DAB2IP: variants seen among roughly 807,000 people sequenced by gnomAD.
DAB2IP encodes DAB2 interacting protein, also known as disabled homolog 2-interacting protein.
A neutral mutation model predicts 107.2 loss-of-function variants in DAB2IP; 28 were observed. The observed-to-expected ratio is 0.26, with a 90% CI of 0.19 to 0.36. DAB2IP has a LOEUF of 0.36. Ranked by LOEUF, DAB2IP falls within the 10% of genes least tolerant of loss-of-function variation. The pLI, the probability that DAB2IP is intolerant of heterozygous loss-of-function variation, is 1.00. For missense variants in DAB2IP, 1,400 were observed against 1,644.7 expected (o/e 0.85, Z 2.57); for synonymous variants, 755 against 706.4 (o/e 1.07, Z -1.09).
intron 1 of DAB2IP, among the ~76,000 whole-genome samples, chr9:121,618,373 T>G (rs1309695448): frequency 1.3e-5 from 2 of 152,072 alleles, no homozygotes; most frequent in African/African-American, 4.8e-5. Flanking sequence ...GGATTTTTTT[T>G]TTTTTGAGGC....
chr9:121,653,644 C>T (rs548764313), intron 1 of DAB2IP, among the ~76,000 whole-genome samples: 7 of 152,266 alleles, frequency 4.6e-5, no homozygotes, highest in Non-Finnish European at 8.8e-5. Context: ...CCACCCGCCC[C>T]TCCTTTGCCT....
chr9:121,753,630 T>A (rs759185492), intron 3 of DAB2IP, among the ~76,000 whole-genome samples: 16 of 152,154 alleles, frequency 1.1e-4, no homozygotes, highest in Non-Finnish European at 2.2e-4. Context: ...GAGCCTGTCA[T>A]ACCTTTCTGT....
intron 1 of DAB2IP, among the ~76,000 whole-genome samples, chr9:121,590,872 G>A (rs1187825388): frequency 6.6e-6 from 1 of 152,168 alleles, no homozygotes; most frequent in African/African-American, 2.4e-5. Flanking sequence ...CAGCCCGGGA[G>A]CATGACACAT....
chr9:121,634,394 A>G lies in DAB2IP; in HGVS notation c.41-44284A>G, dbSNP rs1213333135. Among the ~76,000 whole-genome samples, 1 of 152,156 alleles carries G rather than the reference A, an allele frequency of 6.6e-6. No individual in the cohort carries two copies. Among genetic ancestry groups the G allele is most frequent in the African/African-American group, 2.4e-5 (1 of 41,440 alleles). On this transcript the variant is annotated intron_variant, in intron 1 of 16. Coordinates refer to the DAB2IP transcript ENST00000259371. The surrounding 1 kb of genome is among the most constrained non-coding windows in gnomAD (Gnocchi z 4.7). The stretch of plus-strand genomic sequence containing the variant: ...CCTTTGTTTTTTTCTGAATCTGCTC[A>G]AAGTCCTTCAACCCTGCAGGTCTTT...
chr9:121,609,038 T>G (rs1368952057), intron 1 of DAB2IP, among the ~76,000 whole-genome samples: 1 of 152,188 alleles, frequency 6.6e-6, no homozygotes, highest in Non-Finnish European at 1.5e-5. Flanking sequence ...GCATCCCAGG[T>G]TCAAGCGATT....
chr9:121,570,897 G>A (rs1385294587), intron 1 of DAB2IP, among the ~76,000 whole-genome samples: 1 of 151,988 alleles, frequency 6.6e-6, no homozygotes, highest in Non-Finnish European at 1.5e-5. Flanking sequence ...ATCTCTGGCT[G>A]GCCCCTTCTC....
intron 3 of DAB2IP, chr9:121,752,850 G>A (rs1833218529): frequency 6.6e-6 from 1 of 152,246 alleles, no homozygotes; most frequent in South Asian, 2.1e-4. Flanking sequence ...GCATGTGCCG[G>A]CTGCCAGTGT....
intron 3 of DAB2IP, among the ~76,000 whole-genome samples, chr9:121,742,523 G>T (rs1832427786): frequency 6.6e-6 from 1 of 152,212 alleles, no homozygotes; most frequent in South Asian, 2.1e-4. Context: ...CGTAGACCAG[G>T]TGCTGAGACG....
chr9:121,579,312 A>G (rs983610986), intron 1 of DAB2IP, among the ~76,000 whole-genome samples: 2 of 151,786 alleles, frequency 1.3e-5, no homozygotes, highest in African/African-American at 4.8e-5. Context: ...CCATTGCTTG[A>G]ATCTCTCTCC....
chr9:121,632,193 G>A (rs141489650), intron 1 of DAB2IP, among the ~76,000 whole-genome samples: 16 of 152,340 alleles, frequency 1.1e-4, no homozygotes, highest in African/African-American at 3.6e-4. Context: ...TGTTACGCTT[G>A]CGAATTAATT....
intron 2 of DAB2IP, among the ~76,000 whole-genome samples, chr9:121,679,877 C>T (rs1828492956): frequency 6.6e-6 from 1 of 151,900 alleles, no homozygotes; most frequent in Admixed American, 6.6e-5. Context: ...GAGGGACTTC[C>T]GGGGAGGGAG....
chr9:121,783,493 G>T (rs1835801452), exon 16 of DAB2IP: 17 of 1,614,108 alleles, frequency 1.1e-5, no homozygotes, highest in Non-Finnish European at 1.4e-5. Flanking sequence ...ACGCCTGCAG[G>T]CCCTGAGAAG....
intron 3 of DAB2IP, among the ~76,000 whole-genome samples, chr9:121,748,353 A>C (rs1832859830): frequency 6.6e-6 from 1 of 152,118 alleles, no homozygotes; most frequent in African/African-American, 2.4e-5. Flanking sequence ...ACTCACTGTG[A>C]GGTAGGTGCC....
chr9:121,700,867 C>T (rs769114359), intron 3 of DAB2IP, among the ~76,000 whole-genome samples: 1 of 152,172 alleles, frequency 6.6e-6, no homozygotes, highest in Non-Finnish European at 1.5e-5. Context: ...CCTGGTGCCC[C>T]AGGGGACCAG....
At chr9:121,630,533 A>AATTT (rs200575067) in intron 1 of DAB2IP, among the ~76,000 whole-genome samples, 2 of 146,926 alleles carry the variant, frequency 1.4e-5, no homozygotes, top group Admixed American at 1.4e-4. Flanking sequence ...TCATAAAAAA[A>AATTT]TTTTTTTTTT....
At chr9:121,641,935 T>C (rs145102440) in intron 1 of DAB2IP, among the ~76,000 whole-genome samples, 2 of 113,632 alleles carry the variant, frequency 1.8e-5, no homozygotes, top group Non-Finnish European at 3.4e-5. Flanking sequence ...CTTTCTTTCT[T>C]TCTCTCTTTC....
chr9:121,766,861 A>G, intron 9 of DAB2IP, 131 bp downstream of exon 9: 1 of 858,800 alleles, frequency 1.2e-6, no homozygotes. Flanking sequence ...TGTCATCCTC[A>G]GTCCTTCTCC....
intron 1 of DAB2IP, among the ~76,000 whole-genome samples, chr9:121,638,700 A>G (rs1363129868): frequency 3.3e-5 from 5 of 151,586 alleles, no homozygotes; most frequent in Non-Finnish European, 5.9e-5. Flanking sequence ...TTTTATGGAG[A>G]ACCACACTGA....
intron 1 of DAB2IP, chr9:121,575,502 T>C (rs1484016839): frequency 6.6e-6 from 1 of 152,214 alleles, no homozygotes; most frequent in Non-Finnish European, 1.5e-5. Context: ...TCTTGGTATA[T>C]TGTTCAATTC....
Sources: gnomAD v4.1 joint callset for allele counts (sites outside exome capture counted in the v4.1 genomes callset) on GRCh38, gnomAD v4.1.1 for gene constraint, Gnocchi (gnomAD v3.1) non-coding constraint, MANE v1.5 for transcripts, NCBI Gene and HGNC (gene_info 2026-07-23, HGNC 2026-07-21) for gene names.